Variants in EYS observed in about 807,000 individuals in gnomAD.
EYS encodes protein eyes shut homolog.
In EYS, 250 loss-of-function variants were observed where a neutral mutation model predicts 282.1. The ratio of observed to expected loss-of-function variants is 0.89; its 90% CI spans 0.80 to 0.98. The LOEUF (loss-of-function observed/expected upper bound fraction) is 0.98, where lower values mean the gene tolerates loss of function less well. EYS is among the 50% of genes least tolerant of loss of function. The pLI is 0.00. For synonymous variants in EYS, 1,355 were observed against 1,282.9 expected, an observed-to-expected ratio of 1.06 and a Z score of -1.20; for missense variants, 4,016 against 3,709.0, an observed-to-expected ratio of 1.08 and a Z score of -2.15.
chr6:64,705,483 A>T (rs1770971905), intron 22 of EYS, among the ~76,000 whole-genome samples: 1 of 151,924 alleles, frequency 6.6e-6, no homozygotes, highest in African/African-American at 2.4e-5. Flanking sequence ...AAATCCTAAA[A>T]TTCATATGGA....
intron 2 of EYS, among the ~76,000 whole-genome samples, chr6:65,591,962 T>C (rs1562276241): frequency 6.6e-6 from 1 of 152,026 alleles, no homozygotes; most frequent in Non-Finnish European, 1.5e-5. Flanking sequence ...AGCACAGTGC[T>C]ATGATGAGAA....
intron 36 of EYS, among the ~76,000 whole-genome samples, chr6:63,848,992 G>T (rs566013225): frequency 1.3e-5 from 2 of 152,178 alleles, no homozygotes; most frequent in Admixed American, 6.5e-5. Flanking sequence ...CTTGAGCTTC[G>T]TCGGAGGAGG....
At chr6:64,860,441 G>A (rs1045321885) in intron 19 of EYS, among the ~76,000 whole-genome samples, 2 of 152,228 alleles carry the variant, frequency 1.3e-5, no homozygotes, top group Admixed American at 1.3e-4. Flanking sequence ...CTGTGGCAGG[G>A]CTGGAAGCTC....
chr6:64,006,175 G>A (rs1205526325), intron 33 of EYS, among the ~76,000 whole-genome samples: 37 of 151,816 alleles, frequency 2.4e-4, no homozygotes, highest in Admixed American at 2.4e-3. Flanking sequence ...TCCTTGTAGG[G>A]ATCTTTTACC....
At chr6:64,271,785 T>C (rs1407366107) in intron 30 of EYS, among the ~76,000 whole-genome samples, 1 of 152,084 alleles carries the variant, frequency 6.6e-6, no homozygotes, top group Non-Finnish European at 1.5e-5. Flanking sequence ...TGTTGTTCCA[T>C]TGTTCTGTTT....
At chr6:65,117,763 C>T (rs984823027) in intron 12 of EYS, among the ~76,000 whole-genome samples, 1 of 152,092 alleles carries the variant, frequency 6.6e-6, no homozygotes, top group Non-Finnish European at 1.5e-5. Flanking sequence ...GAAAGAATTT[C>T]CAAGGAAGAA....
intron 33 of EYS, among the ~76,000 whole-genome samples, chr6:64,059,423 AAT>A (rs1269423269): frequency 6.6e-6 from 1 of 152,204 alleles, no homozygotes; most frequent in South Asian, 2.1e-4. Flanking sequence ...AGTCACTTCA[AAT>A]ATGTTTTTTA....
chr6:65,280,748 T>C (rs1768193626), intron 12 of EYS, among the ~76,000 whole-genome samples: 1 of 151,734 alleles, frequency 6.6e-6, no homozygotes, highest in Admixed American at 6.6e-5. Context: ...CTGGGCGCAG[T>C]GGCTCACGCC....
At chr6:63,754,850 T>G (rs1402001265) in intron 41 of EYS, among the ~76,000 whole-genome samples, 2 of 152,210 alleles carry the variant, frequency 1.3e-5, no homozygotes, top group Non-Finnish European at 2.9e-5. Flanking sequence ...CTCCAGCACC[T>G]GTTGTTTCCT....
intron 26 of EYS, among the ~76,000 whole-genome samples, chr6:64,484,851 C>T (rs1776536607): frequency 6.6e-6 from 1 of 151,488 alleles, no homozygotes; most frequent in South Asian, 2.1e-4. Flanking sequence ...TACAACACAT[C>T]TTCAAGGACA....
Position 63,778,217 on chromosome 6 carries a change from A to G in EYS, c.7724-37T>C, listed in dbSNP as rs548427462. The G allele has an allele frequency of 2.9e-4, 439 of 1,533,970 alleles. 3 individuals are homozygous for G. The Middle Eastern group carries it at 3.0e-3, about 11-fold the overall frequency. ...GCAAAAACACTTCGTGTTAACAAAC[A>G]GAAGAAATAGAAAAAACAAGAAGAA... On this transcript the variant is annotated intron_variant, in intron 39 of 42. Transcript: ENST00000503581.
chr6:65,689,732 C>A (rs1200233187), intron 1 of EYS, among the ~76,000 whole-genome samples: 1 of 149,814 alleles, frequency 6.7e-6, no homozygotes, highest in African/African-American at 2.4e-5. Context: ...GATACATGTG[C>A]AGAATGTGCA....
chr6:65,329,440 AAG>A, intron 11 of EYS: 1 of 943,496 alleles, frequency 1.1e-6, no homozygotes. Context: ...GAGCATAATA[AAG>A]AGAGAAAATA....
At chr6:64,144,166 C>T (rs1774436223) in intron 31 of EYS, among the ~76,000 whole-genome samples, 1 of 152,118 alleles carries the variant, frequency 6.6e-6, no homozygotes, top group Admixed American at 6.6e-5. Flanking sequence ...GCTGGTACAT[C>T]TTTTCACTTC....
At chr6:64,581,142 T>A (rs1026234153) in intron 26 of EYS, among the ~76,000 whole-genome samples, 2 of 151,964 alleles carry the variant, frequency 1.3e-5, no homozygotes, top group Non-Finnish European at 2.9e-5. Context: ...AATAAAGGAA[T>A]AAGAATTGAC....
intron 26 of EYS, among the ~76,000 whole-genome samples, chr6:64,540,634 C>T (rs2485435): frequency 1.3e-5 from 2 of 152,038 alleles, no homozygotes; most frequent in Admixed American, 6.5e-5. Context: ...AGGCATGCAC[C>T]GCCACACCCA....
chr6:65,279,316 T>G (rs1171822070), intron 12 of EYS, among the ~76,000 whole-genome samples: 2 of 152,180 alleles, frequency 1.3e-5, no homozygotes, highest in Non-Finnish European at 2.9e-5. Context: ...TTCCCTTATT[T>G]TTTCTAGATC....
At chr6:64,013,462 C>T (rs1407821708) in intron 33 of EYS, among the ~76,000 whole-genome samples, 1 of 152,130 alleles carries the variant, frequency 6.6e-6, no homozygotes, top group East Asian at 1.9e-4. Context: ...ACCTGACATC[C>T]ATTTCTAACC....
At chr6:64,701,564 A>G (rs570644969) in intron 22 of EYS, among the ~76,000 whole-genome samples, 2 of 152,236 alleles carry the variant, frequency 1.3e-5, no homozygotes, top group African/African-American at 4.8e-5. Flanking sequence ...AAACATGTAT[A>G]GAACTGGAGG....
Sources: allele counts gnomAD v4.1 joint callset (sites outside exome capture counted in the v4.1 genomes callset), GRCh38; gene constraint gnomAD v4.1.1; transcripts MANE v1.5; gene names NCBI Gene and HGNC (gene_info 2026-07-23, HGNC 2026-07-21).